Variants in POLR3B observed in about 807,000 individuals in gnomAD.
The protein encoded by POLR3B is RNA polymerase III subunit B.
A neutral mutation model predicts 147.4 loss-of-function variants in POLR3B; 96 were observed. The observed-to-expected ratio is 0.65, with a 90% confidence interval of 0.55 to 0.77. POLR3B has a LOEUF of 0.77. Ranked by LOEUF, POLR3B falls within the 30% of genes least tolerant of loss-of-function variation. The probability of loss-of-function intolerance (pLI) is 0.00; values close to 1 mark genes in which losing one functional copy is unlikely to be tolerated. For missense variants in POLR3B, 1,036 were observed against 1,413.5 expected, an observed-to-expected ratio of 0.73 and a Z score of 4.28; for synonymous variants, 461 against 485.9, an observed-to-expected ratio of 0.95 and a Z score of 0.67.
rs2037875882 is a variant in POLR3B at position 106,457,159 on chromosome 12, A to G, written c.2315A>G (p.Tyr772Cys). 1.9e-6 allele frequency: 3 copies of G among 1,613,628 alleles called. No homozygotes were observed. Among genetic ancestry groups the G allele is most frequent in the Non-Finnish European group, 2.5e-6 (3 of 1,179,630 alleles). The change falls in exon 21 of 28, where the codon TAT becomes TGT. Residue 772 changes from tyrosine (Y) to cysteine (C), a missense_variant. This residue lies in a region of POLR3B where 202 missense variants were observed against 272.8 expected (regional missense o/e 0.74). Coordinates refer to ENST00000228347, the MANE Select transcript of POLR3B (RefSeq NM_018082.6). ...LDRGFGRCLV[Y>C]KNAKCTLKRY... is the part of the protein sequence containing the mutation. Reference sequence around the variant, plus strand: ...TTAGGCTTTGGGCGTTGCCTTGTATATAAAAATGCTAAATGTACGTTGAAA... The same window carrying G: ...TTAGGCTTTGGGCGTTGCCTTGTATGTAAAAATGCTAAATGTACGTTGAAA...
At chr12:106,441,756 G>A (rs960769798) in intron 18 of POLR3B, among the ~76,000 whole-genome samples, 3 of 151,720 alleles carry the variant, frequency 2.0e-5, no homozygotes, top group Admixed American at 1.3e-4. Context: ...GTTTTCATTC[G>A]AACTAAATTT....
chr12:106,440,850 G>T (rs369461942), intron 18 of POLR3B, among the ~76,000 whole-genome samples: 7 of 151,628 alleles, frequency 4.6e-5, no homozygotes, highest in African/African-American at 1.7e-4. Flanking sequence ...TTTTCATCTG[G>T]TTTTTCATTG....
chr12:106,411,367 A>G (rs1159699964), intron 12 of POLR3B, among the ~76,000 whole-genome samples: 2 of 152,072 alleles, frequency 1.3e-5, no homozygotes, highest in Non-Finnish European at 2.9e-5. Flanking sequence ...CCAACTCCCG[A>G]CCTCAGGTGA....
intron 11 of POLR3B, among the ~76,000 whole-genome samples, chr12:106,407,313 C>G (rs886391348): frequency 1.3e-5 from 2 of 152,158 alleles, no homozygotes; most frequent in African/African-American, 4.8e-5. Flanking sequence ...CTTTTCTAAG[C>G]TTCAGTTTTC....
intron 6 of POLR3B, among the ~76,000 whole-genome samples, chr12:106,376,062 T>TCTC (rs1258634039): frequency 2.0e-5 from 3 of 152,182 alleles, no homozygotes; most frequent in Non-Finnish European, 4.4e-5. Context: ...GCCAGGCTGC[T>TCTC]CTCAAACTCC....
At chr12:106,433,393 C>G (rs1346305544) in intron 15 of POLR3B, among the ~76,000 whole-genome samples, 2 of 152,176 alleles carry the variant, frequency 1.3e-5, no homozygotes, top group East Asian at 1.9e-4. Flanking sequence ...CTCGTTTAAC[C>G]TTTACTGCCA....
At chr12:106,414,020 G>A (rs145380651) in intron 12 of POLR3B, among the ~76,000 whole-genome samples, 1 of 149,700 alleles carries the variant, frequency 6.7e-6, no homozygotes, top group Non-Finnish European at 1.5e-5. Flanking sequence ...TATTTTGTGT[G>A]TTTTTTTTAT....
At chr12:106,384,035 G>A (rs1038533477) in intron 9 of POLR3B, among the ~76,000 whole-genome samples, 1 of 151,198 alleles carries the variant, frequency 6.6e-6, no homozygotes, top group Non-Finnish European at 1.5e-5. Flanking sequence ...CCCCATAACA[G>A]TGAAAAAGTT....
intron 12 of POLR3B, among the ~76,000 whole-genome samples, chr12:106,418,146 CCAG>C (rs139251494): frequency 0.012 from 1,891 of 152,270 alleles, 15 homozygotes; most frequent in Middle Eastern, 0.024. Context: ...GGTTGGCAGG[CCAG>C]CCGCCAGTAG....
At chr12:106,362,631 T>C (rs1363376959) in intron 1 of POLR3B, among the ~76,000 whole-genome samples, 1 of 152,112 alleles carries the variant, frequency 6.6e-6, no homozygotes. Context: ...TTCTCCTTTT[T>C]TATAAGGACA....
chr12:106,479,796 C>CGTCTTTTCTTTTCTTTTCTTTTCTT (rs151090737), intron 23 of POLR3B, among the ~76,000 whole-genome samples: 2 of 133,916 alleles, frequency 1.5e-5, no homozygotes, highest in Non-Finnish European at 3.2e-5. Context: ...TCTTTCCTTC[C>CGTCTTTTCTTTTCTTTTCTTTTCTT]TTCTTTTCTT....
intron 13 of POLR3B, among the ~76,000 whole-genome samples, chr12:106,429,195 G>A (rs1298443490): frequency 6.6e-6 from 1 of 151,948 alleles, no homozygotes; most frequent in Non-Finnish European, 1.5e-5. Flanking sequence ...ATCTTACTTC[G>A]AGGCTGGAGT....
intron 1 of POLR3B, among the ~76,000 whole-genome samples, chr12:106,360,585 C>T (rs146758465): frequency 2.4e-4 from 36 of 152,308 alleles, no homozygotes; most frequent in East Asian, 1.9e-4. Context: ...TCAGTGTTTT[C>T]GCTGCAACTT....
chr12:106,502,339 C>T (rs1380156439), intron 26 of POLR3B, among the ~76,000 whole-genome samples: 1 of 152,180 alleles, frequency 6.6e-6, no homozygotes, highest in African/African-American at 2.4e-5. Flanking sequence ...ATCTCATCTC[C>T]ACCTTTTCAT....
chr12:106,446,047 A>G (rs528931249), intron 19 of POLR3B, among the ~76,000 whole-genome samples: 15 of 152,332 alleles, frequency 9.8e-5, no homozygotes, highest in African/African-American at 3.6e-4. Flanking sequence ...GCAGCTCATC[A>G]ATTTAGCCTT....
chr12:106,362,080 G>A (rs1015745382), intron 1 of POLR3B, among the ~76,000 whole-genome samples: 1 of 152,196 alleles, frequency 6.6e-6, no homozygotes, highest in Non-Finnish European at 1.5e-5. Flanking sequence ...AGGGAAGAAA[G>A]TAGTCAGAGG....
At chr12:106,456,224 G>T (rs114343168) in intron 20 of POLR3B, among the ~76,000 whole-genome samples, 1 of 152,236 alleles carries the variant, frequency 6.6e-6, no homozygotes, top group African/African-American at 2.4e-5. Flanking sequence ...GCTGTTTTGG[G>T]TAACTCTACA....
chr12:106,501,449 T>C lies in POLR3B; in HGVS notation c.3098+13T>C, dbSNP rs1209860161. On this transcript the variant is annotated intron_variant, in intron 26 of 27. Transcript: ENST00000228347. ...CCGTCCTTACCAGGTAAGAGAAAAG[T>C]ACTTACAAAAAGAATTGATAATGCA... 6.8e-7 allele frequency: 1 copy of C among 1,479,424 alleles called. No individual in the cohort carries two copies. Among genetic ancestry groups the C allele is most frequent in the Non-Finnish European group, 9.5e-7 (1 of 1,057,192 alleles). 91.6% of individuals were successfully genotyped at this position (1,479,424 alleles called of 1,614,324 possible).
rs146869723 is a variant in POLR3B at position 106,424,339 on chromosome 12, C to T, written c.1102-2858C>T. 4.4e-3 allele frequency among the ~76,000 whole-genome samples: 669 copies of T among 152,204 alleles called. 4 individuals carry two copies. The highest frequency in any genetic ancestry group is 0.016 in the African/African-American group (644 of 41,540). On this transcript the variant is annotated intron_variant, in intron 12 of 27. Coordinates refer to ENST00000228347, the MANE Select transcript of POLR3B (RefSeq NM_018082.6). ...TGTCTGATTTTATCCACTTTTTGTGCCATTGAAATTGATCATTGGGTTTAG... is the reference window on the plus strand; with the variant it reads ...TGTCTGATTTTATCCACTTTTTGTGTCATTGAAATTGATCATTGGGTTTAG...
Sources: gnomAD v4.1 joint callset for allele counts (sites outside exome capture counted in the v4.1 genomes callset) on GRCh38, gnomAD v4.1.1 for gene constraint, gnomAD v4.1.1 regional missense constraint, MANE v1.5 for transcripts, NCBI Gene and HGNC (gene_info 2026-07-23, HGNC 2026-07-21) for gene names.